The following CHD1L variants were observed in gnomAD, a reference collection of about 807,000 sequenced individuals.
The protein encoded by CHD1L is ATP-dependent chromatin remodeler CHD1L.
CHD1L carries 118 observed loss-of-function variants against 115.9 expected under a neutral mutation model. The ratio of observed to expected loss-of-function variants is 1.02; its 90% CI spans 0.88 to 1.19. The LOEUF (loss-of-function observed/expected upper bound fraction) is 1.19, where lower values mean the gene tolerates loss of function less well. Ranked by LOEUF, CHD1L falls within the 50% of genes most tolerant of loss-of-function variation. The pLI is 0.00. For missense variants in CHD1L, 1,179 were observed against 1,065.3 expected (o/e 1.11, Z -1.49); for synonymous variants, 411 against 387.1 (o/e 1.06, Z -0.72).
At chr1:147,178,114 A>G in the CHD1L span, 4 of 1,580,998 alleles carry the variant, frequency 2.5e-6, no homozygotes, top group Admixed American at 5.2e-5. Flanking sequence ...CCTCGCCGCC[A>G]TGTGCCTCCG....
chr1:147,214,314 G>T, the CHD1L span, among the ~76,000 whole-genome samples: 2 of 152,038 alleles, frequency 1.3e-5, no homozygotes, highest in Non-Finnish European at 2.9e-5. Context: ...TAGTGGGTGT[G>T]GTGGCACATG....
chr1:147,229,387 T>C, the CHD1L span, among the ~76,000 whole-genome samples: 5 of 152,116 alleles, frequency 3.3e-5, no homozygotes, highest in Non-Finnish European at 5.9e-5. Flanking sequence ...TTGGTACCAG[T>C]ACCATGCTGT....
intron 19 of CHD1L, among the ~76,000 whole-genome samples, chr1:147,288,440 TC>T (rs1366272554): frequency 1.3e-5 from 2 of 150,970 alleles, no homozygotes; most frequent in Admixed American, 1.3e-4. Flanking sequence ...ACAGCTGTGA[TC>T]CCAGCAATTT....
chr1:147,228,125 T>A, the CHD1L span, among the ~76,000 whole-genome samples: 1 of 152,044 alleles, frequency 6.6e-6, no homozygotes, highest in Non-Finnish European at 1.5e-5. Flanking sequence ...CATCATTTAA[T>A]ATTAGGTATA....
the CHD1L span, chr1:147,187,299 A>C: frequency 8.2e-6 from 11 of 1,333,354 alleles, no homozygotes; most frequent in Non-Finnish European, 1.1e-5. Context: ...TCAGTCAGTC[A>C]ATCAATTACT....
the CHD1L span, among the ~76,000 whole-genome samples, chr1:147,229,864 C>A: frequency 6.6e-6 from 1 of 151,812 alleles, no homozygotes; most frequent in African/African-American, 2.4e-5. Flanking sequence ...GATTTTGTAT[C>A]CTGAGACTTT....
At chr1:147,273,315 T>C (rs781846031) in intron 12 of CHD1L, among the ~76,000 whole-genome samples, 1 of 152,234 alleles carries the variant, frequency 6.6e-6, no homozygotes, top group Non-Finnish European at 1.5e-5. Flanking sequence ...GTGTCCTCTA[T>C]TAAAGACAGA....
the CHD1L span, among the ~76,000 whole-genome samples, chr1:147,234,309 G>C: frequency 5.3e-5 from 8 of 151,962 alleles, no homozygotes; most frequent in Admixed American, 2.6e-4. Flanking sequence ...TGACTCTACC[G>C]GACTTTGTCA....
chr1:147,253,135 C>T (rs1553937586), intron 2 of CHD1L, among the ~76,000 whole-genome samples: 1 of 152,170 alleles, frequency 6.6e-6, no homozygotes, highest in Admixed American at 6.5e-5. Context: ...TGGGGTAAAG[C>T]TGGCCTTGTA....
chr1:147,204,144 C>T, the CHD1L span: 2 of 1,071,796 alleles, frequency 1.9e-6, no homozygotes, highest in Non-Finnish European at 2.9e-6. Flanking sequence ...TTCATCAATT[C>T]TTCATCAGTC....
the CHD1L span, among the ~76,000 whole-genome samples, chr1:147,196,137 T>A: frequency 6.6e-6 from 1 of 152,184 alleles, no homozygotes; most frequent in Non-Finnish European, 1.5e-5. Context: ...TTTCACATTC[T>A]CTGCCATCTT....
At chr1:147,260,469 CT>C (rs1671555820) in intron 6 of CHD1L, 1 of 152,114 alleles carries the variant, frequency 6.6e-6, no homozygotes, top group Admixed American at 6.5e-5. Flanking sequence ...CTTCTTCTTT[CT>C]TTTATATTGG....
the CHD1L span, among the ~76,000 whole-genome samples, chr1:147,214,098 T>C: frequency 6.6e-6 from 1 of 152,118 alleles, no homozygotes; most frequent in East Asian, 1.9e-4. Context: ...CCTACTTAGG[T>C]TAAGGAAACA....
the CHD1L span, chr1:147,175,459 G>A: frequency 6.6e-6 from 1 of 152,166 alleles, no homozygotes; most frequent in Non-Finnish European, 1.5e-5. Context: ...AGGGAGGGAA[G>A]TGATTGGATG....
chr1:147,196,516 A>G, the CHD1L span, among the ~76,000 whole-genome samples: 1 of 151,998 alleles, frequency 6.6e-6, no homozygotes, highest in African/African-American at 2.4e-5. Context: ...AACCCTATCT[A>G]TTACCCTATC....
In CHD1L at chr1:147,272,267, T is replaced by C. The variant is rs782747449; in HGVS notation, c.1256T>C (p.Leu419Pro). The change falls in exon 12 of 23, where the codon CTG (leucine) becomes CCG (proline). Residue 419 changes from leucine to proline, a missense_variant. Coordinates refer to ENST00000369258, the MANE Select transcript of CHD1L (RefSeq NM_004284.6). ...FGQQPIFVFLLSTRAGGVGMN... is the reference protein window; with the variant it reads ...FGQQPIFVFLPSTRAGGVGMN... Reference sequence around the variant, plus strand: ...CAGCAGCCCATTTTCGTTTTTCTCCTGAGTACTAGGGCAGGTAGGCTGCAA... The same window carrying C: ...CAGCAGCCCATTTTCGTTTTTCTCCCGAGTACTAGGGCAGGTAGGCTGCAA... 3 of 1,612,946 alleles carry C rather than the reference T, an allele frequency of 1.9e-6. No homozygotes were observed. Among genetic ancestry groups the C allele is most frequent in the Admixed American group, 3.3e-5 (2 of 60,024 alleles).
Position 147,295,435 on chromosome 1 carries a change from T to A in CHD1L, c.2620T>A (p.Tyr874Asn). ...AARGIPTYIYYFPRSKSAVLH... is the reference protein window; with the variant it reads ...AARGIPTYIYNFPRSKSAVLH... ...TTCCTTGACCATCCTTATCAGATAT[T>A]ATTTTCCTAGAAGCAAGTCTGCTGT... Residue 874 changes from tyrosine to asparagine, a missense_variant, in exon 23 of 23, where the codon TAT becomes AAT. By Grantham distance (143) the Tyr-to-Asn change is moderately radical (BLOSUM62 -2). Coordinates refer to ENST00000369258, the MANE Select transcript of CHD1L (RefSeq NM_004284.6). The A allele has an allele frequency of 6.2e-7, 1 of 1,605,680 alleles. No individual in the cohort carries two copies.
chr1:147,254,872 T>G lies in CHD1L; in HGVS notation c.243T>G (p.Thr81=). The stretch of plus-strand genomic sequence containing the variant: ...GCCTTTCTTTTTCTGTGTTCCAGAC[T>G]ATTGCTCTCTTCATTTATTTGGCAG... ...DEMGLGKTCQ[T]IALFIYLAGR... Residue 81 remains threonine (T), a splice_region_variant and synonymous_variant, in exon 3 of 23, where the codon ACT becomes ACG. Coordinates refer to ENST00000369258, the MANE Select transcript of CHD1L (RefSeq NM_004284.6). 3 of 1,599,026 alleles carry G rather than the reference T, an allele frequency of 1.9e-6. No homozygotes were observed. The highest frequency in any genetic ancestry group is 2.6e-6 in the Non-Finnish European group (3 of 1,174,486).
Position 147,286,356 on chromosome 1 carries a change from G to A in CHD1L, c.2077G>A (p.Glu693Lys), listed in dbSNP as rs1173564461. ...QSFCLPSEES[E>K]PEDLENGEES... ...CTTCTGCCTGCCCTCTGAGGAGAGC[G>A]AGCCAGAGGACCTTGAGAATGGGGA... The change falls in exon 18 of 23, where the codon GAG (glutamate) becomes AAG (lysine). Residue 693 changes from glutamate (E) to lysine (K), a missense_variant. Coordinates refer to ENST00000369258, the MANE Select transcript of CHD1L (RefSeq NM_004284.6). 6.8e-6 allele frequency: 11 copies of A among 1,614,042 alleles called. No individual in the cohort carries two copies. The highest frequency in any genetic ancestry group is 4.5e-5 in the East Asian group (2 of 44,892).
Sources: gnomAD v4.1 joint callset for allele counts (sites outside exome capture counted in the v4.1 genomes callset) on GRCh38, gnomAD v4.1.1 for gene constraint, MANE v1.5 for transcripts, NCBI Gene and HGNC (gene_info 2026-07-23, HGNC 2026-07-21) for gene names.